The following PCDHB11 variants were observed in gnomAD, a reference collection of about 807,000 sequenced individuals.
PCDHB11 encodes protocadherin beta 11.
For missense variants in PCDHB11, 1,151 were observed against 1,003.4 expected (o/e 1.15, Z -1.99); for synonymous variants, 522 against 442.0 (o/e 1.18, Z -2.27).
rs1294809495 is a variant in PCDHB11 at position 141,202,300 on chromosome 5, A to C, written c.*132A>C. 16 of 843,328 alleles carry C rather than the reference A, an allele frequency of 1.9e-5. No homozygotes were observed. Among genetic ancestry groups the C allele is most frequent in the South Asian group, 7.4e-5 (3 of 40,436 alleles). The allele number at this position is 843,328 out of a possible 1,614,324, so 52.2% of individuals were successfully genotyped here. On this transcript the variant is annotated 3_prime_UTR_variant, in exon 1 of 1. Transcript: ENST00000354757. ...TTTTTAATTTTTTCTTTTCTCCCCC[A>C]ATTTTTTTTTTTTTTTTGAGACCGA...
chr5:141,201,846 T>C lies in PCDHB11; in HGVS notation c.2072T>C (p.Val691Ala), dbSNP rs1554285728. The change falls in exon 1 of 1, where the codon GTG (valine) becomes GCG (alanine). Residue 691 changes from valine (V) to alanine (A), a missense_variant. Physicochemically the swap from Val to Ala is moderately conservative, Grantham distance 64. Coordinates refer to ENST00000354757, the MANE Select transcript of PCDHB11 (RefSeq NM_018931.3). ...AQADSLTVYLVVALASVSSLF... is the reference protein window; with the variant it reads ...AQADSLTVYLAVALASVSSLF... ...GCCGACTCGCTCACCGTCTACTTGGTGGTGGCGTTGGCCTCGGTGTCTTCG... is the reference window on the plus strand; with the variant it reads ...GCCGACTCGCTCACCGTCTACTTGGCGGTGGCGTTGGCCTCGGTGTCTTCG... The C allele has an allele frequency of 3.1e-6, 5 of 1,610,880 alleles. No individual in the cohort carries two copies. The highest frequency in any genetic ancestry group is 2.7e-5 in the African/African-American group (2 of 74,852).
In PCDHB11 at chr5:141,200,257, T is replaced by C; in HGVS notation, c.483T>C (p.Asp161=). Residue 161 remains aspartate (D), a synonymous_variant, in exon 1 of 1, where the codon GAT becomes GAC. Transcript: ENST00000354757. ...VFLLESAKDL[D]VGINAVKSYT... ...TACTAGAAAGTGCGAAGGATTTAGATGTAGGAATCAATGCTGTAAAAAGCT... is the reference window on the plus strand; with the variant it reads ...TACTAGAAAGTGCGAAGGATTTAGACGTAGGAATCAATGCTGTAAAAAGCT... The C allele has an allele frequency of 6.2e-7, 1 of 1,614,200 alleles. No individual in the cohort carries two copies. Among genetic ancestry groups the C allele is most frequent in the South Asian group, 1.1e-5 (1 of 91,086 alleles).
At position 141,201,434 on chromosome 5, in the gene PCDHB11, G is replaced by A; in HGVS notation, c.1660G>A (p.Ala554Thr). 6.2e-7 allele frequency: 1 copy of A among 1,611,672 alleles called. No individual in the cohort carries two copies. Among genetic ancestry groups the A allele is most frequent in the African/African-American group, 1.3e-5 (1 of 74,990 alleles). ...GCTGGTGCGCGTGCTGGTGCTGGAC[G>A]CCAACGACAACTCGCCCTTCGTGCT... Reference protein sequence around the residue: ...EALVRVLVLDANDNSPFVLYP... With the variant: ...EALVRVLVLDTNDNSPFVLYP... Residue 554 changes from alanine to threonine, a missense_variant, in exon 1 of 1, where the codon GCC becomes ACC. Transcript: ENST00000354757.
In PCDHB11 at chr5:141,201,739, C is replaced by T. The variant is rs537668658; in HGVS notation, c.1965C>T (p.Thr655=). 1.9e-6 allele frequency: 3 copies of T among 1,608,112 alleles called. No individual in the cohort carries two copies. The Admixed American group carries it at 5.0e-5, about 27-fold the overall frequency. Residue 655 remains threonine, a synonymous_variant, in exon 1 of 1, where the codon ACC becomes ACT. Coordinates refer to ENST00000354757, the MANE Select transcript of PCDHB11 (RefSeq NM_018931.3). ...ATGGCGAGCCTCCGCGCTCGGCCAC[C>T]GCCACGCTGCAAGTGCTCCTGGTGG... ...KDNGEPPRSA[T]ATLQVLLVDG...
chr5:141,201,423 T>C lies in PCDHB11; in HGVS notation c.1649T>C (p.Leu550Pro). Residue 550 changes from leucine (L) to proline (P), a missense_variant, in exon 1 of 1, where the codon CTG becomes CCG. Leu to Pro is a moderately conservative substitution (Grantham distance 98, BLOSUM62 -3). Transcript: ENST00000354757. ...AGCAGCGAGGCGCTGGTGCGCGTGCTGGTGCTGGACGCCAACGACAACTCG... is the reference window on the plus strand; with the variant it reads ...AGCAGCGAGGCGCTGGTGCGCGTGCCGGTGCTGGACGCCAACGACAACTCG... ...ALSSEALVRV[L>P]VLDANDNSPF... The C allele has an allele frequency of 6.2e-7, 1 of 1,611,848 alleles. No individual in the cohort carries two copies. The highest frequency in any genetic ancestry group is 1.3e-5 in the African/African-American group (1 of 75,004).
chr5:141,202,196 C>G lies in PCDHB11; in HGVS notation c.*28C>G, dbSNP rs1563969236. 1 of 1,545,506 alleles carries G rather than the reference C, an allele frequency of 6.5e-7. No homozygotes were observed. Among genetic ancestry groups the G allele is most frequent in the Non-Finnish European group, 8.7e-7 (1 of 1,143,154 alleles). On this transcript the variant is annotated 3_prime_UTR_variant, in exon 1 of 1. Transcript: ENST00000354757. Reference sequence around the variant, plus strand: ...AGAATGCTATTTACATTTGCATGTACTTTTTTAGTTTTATGTAACCATATC... The same window carrying G: ...AGAATGCTATTTACATTTGCATGTAGTTTTTTAGTTTTATGTAACCATATC...
rs1413409017 is a variant in PCDHB11, at chr5:141,202,755, G to C, written c.*587G>C. The C allele has an allele frequency of 6.6e-6, 1 of 152,104 alleles. No individual in the cohort carries two copies. The highest frequency in any genetic ancestry group is 2.4e-5 in the African/African-American group (1 of 41,380). 9.4% of individuals were successfully genotyped at this position (152,104 alleles called of 1,614,324 possible). On this transcript the variant is annotated 3_prime_UTR_variant, in exon 1 of 1. Coordinates refer to ENST00000354757, the MANE Select transcript of PCDHB11 (RefSeq NM_018931.3). ...CGCCTCCAAGTAGCTGGGACTACAG[G>C]CGTGCGCCACCATGCCCGGCTACTT... is the stretch of plus-strand genomic sequence containing the variant.
rs781950562 is a variant in PCDHB11, at chr5:141,201,291, T to A, written c.1517T>A (p.Ile506Asn). The A allele has an allele frequency of 2.7e-5, 43 of 1,613,504 alleles. No homozygotes were observed. Among genetic ancestry groups the A allele is most frequent in the Admixed American group, 2.0e-4 (12 of 60,002 alleles). Residue 506 changes from isoleucine (I) to asparagine (N), a missense_variant, in exon 1 of 1, where the codon ATC becomes AAC. Ile to Asn is a moderately radical substitution (Grantham distance 149). Transcript: ENST00000354757. ...CTGCCCCTCGCCTCCCTGGTCTCCATCAACACAGACAACGGCCACCTGTTC... is the reference window on the plus strand; with the variant it reads ...CTGCCCCTCGCCTCCCTGGTCTCCAACAACACAGACAACGGCCACCTGTTC... ...LHLPLASLVS[I>N]NTDNGHLFAL...
Position 141,201,967 on chromosome 5 carries a change from C to T in PCDHB11, c.2193C>T (p.Pro731=), listed in dbSNP as rs1554285771. Residue 731 remains proline, a synonymous_variant, in exon 1 of 1, where the codon CCC becomes CCT. Coordinates refer to ENST00000354757, the MANE Select transcript of PCDHB11 (RefSeq NM_018931.3). Reference sequence around the variant, plus strand: ...GAAGCTGCTCGGTGCCTAAGGGCCCCTTTCCAGGGCATCTGGTGGACGTGA... The same window carrying T: ...GAAGCTGCTCGGTGCCTAAGGGCCCTTTTCCAGGGCATCTGGTGGACGTGA... ...SVGSCSVPKG[P]FPGHLVDVSG... is the part of the protein sequence containing the mutation. 1.2e-6 allele frequency: 2 copies of T among 1,614,066 alleles called. No individual in the cohort carries two copies. The highest frequency in any genetic ancestry group is 2.7e-5 in the African/African-American group (2 of 74,938).
rs372431743 is a variant in PCDHB11, at chr5:141,200,161, C to G, written c.387C>G (p.His129Gln). 5.0e-6 allele frequency: 8 copies of G among 1,614,028 alleles called. No homozygotes were observed. The highest frequency in any genetic ancestry group is 6.8e-6 in the Non-Finnish European group (8 of 1,180,034). Residue 129 changes from histidine to glutamine, a missense_variant, in exon 1 of 1, where the codon CAC becomes CAG. His to Gln is a conservative substitution (Grantham distance 24). Transcript: ENST00000354757. ...TTCAGGTCAGGGATATAAATGATCA[C>G]TCTCCCATCTTCTCGGAAAAACAAA... Reference protein sequence around the residue: ...IELQVRDINDHSPIFSEKQML... With the variant: ...IELQVRDINDQSPIFSEKQML...
Position 141,199,707 on chromosome 5 carries a change from G to A in PCDHB11, c.-68G>A. 7.2e-7 allele frequency: 1 copy of A among 1,392,776 alleles called. No individual in the cohort carries two copies. Among genetic ancestry groups the A allele is most frequent in the South Asian group, 1.3e-5 (1 of 75,184 alleles). The allele number at this position is 1,392,776 out of a possible 1,614,324, so 86.3% of individuals were successfully genotyped here. ...AAATCCTTAGACCACAGAGGATTTG[G>A]TGGACAAGTCAGAGACGCGTTCCGC... On this transcript the variant is annotated 5_prime_UTR_variant, in exon 1 of 1. The change creates a new upstream start codon in the 5' untranslated region. Coordinates refer to ENST00000354757, the MANE Select transcript of PCDHB11 (RefSeq NM_018931.3).
rs1189562118 is a variant in PCDHB11 at position 141,202,302 on chromosome 5, T to G, written c.*134T>G. The G allele has an allele frequency of 2.5e-4, 30 of 120,766 alleles. No homozygotes were observed. The East Asian group carries it at 0.016, about 66-fold the overall frequency. 7.5% of individuals were successfully genotyped at this position (120,766 alleles called of 1,614,324 possible). On this transcript the variant is annotated 3_prime_UTR_variant, in exon 1 of 1. Coordinates refer to ENST00000354757, the MANE Select transcript of PCDHB11 (RefSeq NM_018931.3). ...TTTAATTTTTTCTTTTCTCCCCCAA[T>G]TTTTTTTTTTTTTTTGAGACCGAGT...
chr5:141,201,013 C>A lies in PCDHB11; in HGVS notation c.1239C>A (p.Ser413Arg), dbSNP rs1445822695. The change falls in exon 1 of 1, where the codon AGC (serine) becomes AGA (arginine). Residue 413 changes from serine (S) to arginine (R), a missense_variant. Coordinates refer to ENST00000354757, the MANE Select transcript of PCDHB11 (RefSeq NM_018931.3). Reference protein sequence around the residue: ...LETERPLDRESTAEYNITITV... With the variant: ...LETERPLDRERTAEYNITITV... ...CAGAGAGACCACTGGACAGAGAGAG[C>A]ACAGCCGAGTACAATATCACCATCA... 1 of 1,614,094 alleles carries A rather than the reference C, an allele frequency of 6.2e-7. No individual in the cohort carries two copies. Among genetic ancestry groups the A allele is most frequent in the African/African-American group, 1.3e-5 (1 of 74,928 alleles).
rs1200932043 is a variant in PCDHB11, at chr5:141,199,723, C to G, written c.-52C>G. The G allele has an allele frequency of 2.7e-6, 4 of 1,505,998 alleles. No individual in the cohort carries two copies. The highest frequency in any genetic ancestry group is 3.6e-6 in the Non-Finnish European group (4 of 1,101,200). The allele number at this position is 1,505,998 out of a possible 1,614,324, so 93.3% of individuals were successfully genotyped here. On this transcript the variant is annotated 5_prime_UTR_variant, in exon 1 of 1. Coordinates refer to ENST00000354757, the MANE Select transcript of PCDHB11 (RefSeq NM_018931.3). ...GAGGATTTGGTGGACAAGTCAGAGA[C>G]GCGTTCCGCAGAGCTGAAGCCTTTC...
chr5:141,200,227 G>T lies in PCDHB11; in HGVS notation c.453G>T (p.Val151=), dbSNP rs1405408102. Residue 151 remains valine, a synonymous_variant, in exon 1 of 1, where the codon GTG becomes GTT. Transcript: ENST00000354757. ...CAGAGAACAGTCCCGTTGGTGCTGTGTTCTTACTAGAAAGTGCGAAGGATT... is the reference window on the plus strand; with the variant it reads ...CAGAGAACAGTCCCGTTGGTGCTGTTTTCTTACTAGAAAGTGCGAAGGATT... ...EIPENSPVGA[V]FLLESAKDLD... is the part of the protein sequence containing the mutation. 1 of 1,614,044 alleles carries T rather than the reference G, an allele frequency of 6.2e-7. No homozygotes were observed. Among genetic ancestry groups the T allele is most frequent in the Non-Finnish European group, 8.5e-7 (1 of 1,180,042 alleles).
rs1214224523 is a variant in PCDHB11 at position 141,202,744 on chromosome 5, T to G, written c.*576T>G. On this transcript the variant is annotated 3_prime_UTR_variant, in exon 1 of 1. Transcript: ENST00000354757. ...CAGCCCACCTCCGCCTCCAAGTAGC[T>G]GGGACTACAGGCGTGCGCCACCATG... 6.6e-6 allele frequency: 1 copy of G among 152,214 alleles called. No homozygotes were observed. The highest frequency in any genetic ancestry group is 1.5e-5 in the Non-Finnish European group (1 of 68,160). 9.4% of individuals were successfully genotyped at this position (152,214 alleles called of 1,614,324 possible).
chr5:141,201,243 T>A lies in PCDHB11; in HGVS notation c.1469T>A (p.Leu490Gln). The change falls in exon 1 of 1, where the codon CTA becomes CAA. Residue 490 changes from leucine (L) to glutamine (Q), a missense_variant. By Grantham distance (113) the Leu-to-Gln change is moderately radical (BLOSUM62 -2). Transcript: ENST00000354757. ...ACCAACGCCCAGGTCAACTACTCGC[T>A]ACTCCCGCCCCAGGACCTGCACCTG... ...SGTNAQVNYS[L>Q]LPPQDLHLPL... 1.2e-6 allele frequency: 2 copies of A among 1,613,248 alleles called. No homozygotes were observed. The highest frequency in any genetic ancestry group is 1.7e-6 in the Non-Finnish European group (2 of 1,180,030).
Position 141,201,763 on chromosome 5 carries a change from G to A in PCDHB11, c.1989G>A (p.Val663=), listed in dbSNP as rs1554285693. ...SATATLQVLL[V]DGFSQPYLPL... Reference sequence around the variant, plus strand: ...CCGCCACGCTGCAAGTGCTCCTGGTGGACGGCTTCTCCCAGCCCTACCTGC... The same window carrying A: ...CCGCCACGCTGCAAGTGCTCCTGGTAGACGGCTTCTCCCAGCCCTACCTGC... The change falls in exon 1 of 1, where the codon GTG becomes GTA. Residue 663 remains valine, a synonymous_variant. Transcript: ENST00000354757. 8 of 1,609,282 alleles carry A rather than the reference G, an allele frequency of 5.0e-6. No individual in the cohort carries two copies. Among genetic ancestry groups the A allele is most frequent in the Non-Finnish European group, 6.8e-6 (8 of 1,179,770 alleles).
In PCDHB11 at chr5:141,199,755, A is replaced by G; in HGVS notation, c.-20A>G. 1 of 1,598,592 alleles carries G rather than the reference A, an allele frequency of 6.3e-7. No homozygotes were observed. The highest frequency in any genetic ancestry group is 1.1e-5 in the South Asian group (1 of 89,790). ...CGCAGAGCTGAAGCCTTTCTTCAAG[A>G]AGCCTACAAGAAAGGAACTATGGAG... On this transcript the variant is annotated 5_prime_UTR_variant, in exon 1 of 1. Coordinates refer to ENST00000354757, the MANE Select transcript of PCDHB11 (RefSeq NM_018931.3).
Sources: allele counts gnomAD v4.1 joint callset, GRCh38; gene constraint gnomAD v4.1.1; transcripts MANE v1.5; gene names NCBI Gene and HGNC (gene_info 2026-07-23, HGNC 2026-07-21).